AIG1: variants seen among roughly 807,000 people sequenced by gnomAD.
AIG1 encodes androgen-induced gene 1 protein.
Under a neutral mutation model 31.4 loss-of-function variants are expected in AIG1, and 23 were observed. The ratio of observed to expected loss-of-function variants is 0.73; its 90% CI spans 0.53 to 1.04. AIG1 has a LOEUF of 1.04. Among genes scored for constraint, AIG1 ranks in the 50% least tolerant of loss-of-function variants. AIG1 has a pLI of 0.00. For synonymous variants in AIG1, 100 were observed against 110.5 expected (o/e 0.90, Z 0.60); for missense variants, 274 against 295.0 (o/e 0.93, Z 0.52).
intron 1 of AIG1, among the ~76,000 whole-genome samples, chr6:143,100,279 G>A (rs894813661): frequency 2.0e-5 from 3 of 152,108 alleles, no homozygotes; most frequent in African/African-American, 7.2e-5. Context: ...CTTTGCTCTT[G>A]GAAAACTGTG....
intron 1 of AIG1, among the ~76,000 whole-genome samples, chr6:143,125,280 T>C (rs890891401): frequency 2.0e-5 from 3 of 152,190 alleles, no homozygotes; most frequent in Admixed American, 2.0e-4. Context: ...CTAAATGTCA[T>C]ATACTTAGCA....
In AIG1 at chr6:143,331,068, C is replaced by A. The variant is rs1365129387; in HGVS notation, c.516-2214C>A. Among the ~76,000 whole-genome samples the A allele has an allele frequency of 3.3e-5, 5 of 151,928 alleles. No homozygotes were observed. Among genetic ancestry groups the A allele is most frequent in the African/African-American group, 1.2e-4 (5 of 41,358 alleles). ...CTGACCTGGACAGACCTAGAGAATG[C>A]CTCTTTGCTGTAAGATTGTTCCTCA... is the stretch of plus-strand genomic sequence containing the variant. On this transcript the variant is annotated intron_variant, in intron 4 of 5. Coordinates refer to ENST00000357847, the MANE Select transcript of AIG1 (RefSeq NM_016108.4). The surrounding 1 kb of genome is among the most constrained non-coding windows in gnomAD (Gnocchi z 4.1).
chr6:143,270,031 A>G (rs183504024), intron 3 of AIG1, among the ~76,000 whole-genome samples: 1 of 152,332 alleles, frequency 6.6e-6, no homozygotes, highest in African/African-American at 2.4e-5. Flanking sequence ...GCAGATGTAA[A>G]CACTGGATAC....
chr6:143,274,225 C>T (rs55833035), intron 3 of AIG1, among the ~76,000 whole-genome samples: 18,294 of 152,070 alleles, frequency 0.12, 1,481 homozygotes, highest in East Asian at 0.36. Flanking sequence ...TTTTATCCTT[C>T]GGTTGTCCTG....
At chr6:143,230,475 C>T (rs1363403220) in intron 3 of AIG1, among the ~76,000 whole-genome samples, 1 of 149,756 alleles carries the variant, frequency 6.7e-6, no homozygotes, top group Non-Finnish European at 1.5e-5. Flanking sequence ...ATAAGATATA[C>T]TATTAAAGTT....
intron 4 of AIG1, among the ~76,000 whole-genome samples, chr6:143,317,273 C>T (rs960385138): frequency 1.3e-4 from 19 of 151,620 alleles, no homozygotes; most frequent in Admixed American, 9.2e-4. Context: ...ACTAGCTAAC[C>T]GAATCCAACA....
Position 143,226,000 on chromosome 6 carries a change from A to C in AIG1, c.400-58110A>C, listed in dbSNP as rs9403467. Reference sequence around the variant, plus strand: ...GTTTTAGCAAATTTAAAAAACAAAAAAAATTGCTCCAGATCTCTTTAAGAG... The same window carrying C: ...GTTTTAGCAAATTTAAAAAACAAAACAAATTGCTCCAGATCTCTTTAAGAG... On this transcript the variant is annotated intron_variant, in intron 3 of 5. Coordinates refer to ENST00000357847, the MANE Select transcript of AIG1 (RefSeq NM_016108.4). 9.4e-3 allele frequency among the ~76,000 whole-genome samples: 1,438 copies of C among 152,344 alleles called. 43 individuals carry two copies. Among genetic ancestry groups the C allele is most frequent in the East Asian group, 0.07 (366 of 5,194 alleles).
chr6:143,233,421 A>G (rs1793586469), intron 3 of AIG1, among the ~76,000 whole-genome samples: 1 of 152,116 alleles, frequency 6.6e-6, no homozygotes, highest in South Asian at 2.1e-4. Context: ...GGGGAAAATG[A>G]ACCCTGCTTA....
intron 4 of AIG1, among the ~76,000 whole-genome samples, chr6:143,285,608 G>A (rs147152728): frequency 1.8e-3 from 274 of 151,818 alleles, no homozygotes; most frequent in African/African-American, 6.4e-3. Context: ...AAGTTGCAGC[G>A]AGCCGAGATC....
chr6:143,112,343 C>T (rs139623589), intron 1 of AIG1, among the ~76,000 whole-genome samples: 1 of 152,220 alleles, frequency 6.6e-6, no homozygotes. Context: ...GGAACCTTTT[C>T]TCATTCCCCT....
intron 4 of AIG1, among the ~76,000 whole-genome samples, chr6:143,321,492 A>G (rs916688462): frequency 2.0e-5 from 3 of 151,918 alleles, no homozygotes; most frequent in East Asian, 3.9e-4. Context: ...CCAGCTACTC[A>G]GGAGTCTGAG....
chr6:143,237,855 C>T (rs1429348583), intron 3 of AIG1, among the ~76,000 whole-genome samples: 2 of 152,146 alleles, frequency 1.3e-5, no homozygotes, highest in Non-Finnish European at 2.9e-5. Context: ...TCTGTTTTCT[C>T]CCATAAAAAG....
At chr6:143,257,060 TATGGCTTTCCAGTGA>T (rs1795420298) in intron 3 of AIG1, among the ~76,000 whole-genome samples, 1 of 152,240 alleles carries the variant, frequency 6.6e-6, no homozygotes, top group South Asian at 2.1e-4. Flanking sequence ...TAAGATATCT[TATGGCTTTCCAGTGA>T]ATGGCTATTT....
chr6:143,249,159 A>G (rs1196293914), intron 3 of AIG1, among the ~76,000 whole-genome samples: 1 of 152,226 alleles, frequency 6.6e-6, no homozygotes, highest in Non-Finnish European at 1.5e-5. Flanking sequence ...CTGAGATGTT[A>G]ATGACCACAG....
chr6:143,074,009 T>C (rs1427253263), intron 1 of AIG1, among the ~76,000 whole-genome samples: 1 of 152,252 alleles, frequency 6.6e-6, no homozygotes, highest in African/African-American at 2.4e-5. Context: ...TTGAGCACCT[T>C]TTCATAGACC....
intron 3 of AIG1, among the ~76,000 whole-genome samples, chr6:143,269,290 A>C (rs1029315390): frequency 6.6e-6 from 1 of 152,230 alleles, no homozygotes; most frequent in Non-Finnish European, 1.5e-5. Context: ...CAAGCATGAG[A>C]ATGACTCAAA....
At chr6:143,238,324 C>T (rs1022982178) in intron 3 of AIG1, among the ~76,000 whole-genome samples, 2 of 152,212 alleles carry the variant, frequency 1.3e-5, no homozygotes, top group African/African-American at 4.8e-5. Flanking sequence ...CACAAAATGG[C>T]TCCTGTTGTG....
intron 3 of AIG1, among the ~76,000 whole-genome samples, chr6:143,272,854 G>T (rs1796626919): frequency 6.6e-6 from 1 of 152,210 alleles, no homozygotes; most frequent in African/African-American, 2.4e-5. Context: ...ATTTTGGCCA[G>T]GCGCGGTGGC....
chr6:143,176,445 G>A (rs1484430850), intron 3 of AIG1, among the ~76,000 whole-genome samples: 1 of 152,162 alleles, frequency 6.6e-6, no homozygotes, highest in Non-Finnish European at 1.5e-5. Context: ...CTTCCAGGAC[G>A]GGTAGAGAAA....
Sources: allele counts gnomAD v4.1 joint callset (sites outside exome capture counted in the v4.1 genomes callset), GRCh38; gene constraint gnomAD v4.1.1; non-coding constraint Gnocchi (gnomAD v3.1); transcripts MANE v1.5; gene names NCBI Gene and HGNC (gene_info 2026-07-23, HGNC 2026-07-21).